Variants in KIF26B observed in about 807,000 individuals in gnomAD.
KIF26B encodes the protein kinesin-like protein KIF26B.
KIF26B carries 63 observed loss-of-function variants against 151.2 expected under a neutral mutation model. The ratio of observed to expected loss-of-function variants is 0.42; its 90% CI spans 0.34 to 0.51. The LOEUF (loss-of-function observed/expected upper bound fraction) is 0.51. Among genes scored for constraint, KIF26B ranks in the 20% least tolerant of loss-of-function variants. The pLI is 0.07. For missense variants in KIF26B, 2,813 were observed against 2,913.6 expected (o/e 0.97, Z 0.79); for synonymous variants, 1,357 against 1,262.1 (o/e 1.08, Z -1.59).
intron 3 of KIF26B, among the ~76,000 whole-genome samples, chr1:245,413,894 C>T (rs1447333627): frequency 6.6e-6 from 1 of 152,200 alleles, no homozygotes; most frequent in Non-Finnish European, 1.5e-5. Flanking sequence ...CCAACCGTGG[C>T]TCCTCCTCCT....
intron 10 of KIF26B, among the ~76,000 whole-genome samples, chr1:245,660,989 CT>C (rs35859643): frequency 0.039 from 5,407 of 138,706 alleles, 307 homozygotes; most frequent in African/African-American, 0.13. Context: ...TTTCTTTTTT[CT>C]TTTTTTTTTT....
At chr1:245,576,389 A>G (rs1440257221) in intron 5 of KIF26B, among the ~76,000 whole-genome samples, 1 of 152,074 alleles carries the variant, frequency 6.6e-6, no homozygotes, top group Non-Finnish European at 1.5e-5. Context: ...CATATTTGCT[A>G]TCAGTTGTGT....
intron 5 of KIF26B, among the ~76,000 whole-genome samples, chr1:245,571,501 A>G (rs2043065930): frequency 6.6e-6 from 1 of 152,218 alleles, no homozygotes; most frequent in Non-Finnish European, 1.5e-5. Flanking sequence ...GATGTTGTAT[A>G]AACTGCTCTG....
intron 4 of KIF26B, among the ~76,000 whole-genome samples, chr1:245,505,999 T>TAGTC (rs1660722652): frequency 6.6e-6 from 1 of 152,246 alleles, no homozygotes; most frequent in Admixed American, 6.5e-5. Flanking sequence ...TTTTCATTAT[T>TAGTC]TACAACAATT....
chr1:245,680,279 C>T (rs555027717), intron 10 of KIF26B, among the ~76,000 whole-genome samples: 24 of 152,116 alleles, frequency 1.6e-4, no homozygotes, highest in Non-Finnish European at 3.1e-4. Context: ...CCATGTTTTA[C>T]TCCCCAAAGG....
intron 4 of KIF26B, among the ~76,000 whole-genome samples, chr1:245,511,359 A>G (rs1165159859): frequency 3.9e-5 from 6 of 152,348 alleles, no homozygotes; most frequent in African/African-American, 1.4e-4. Flanking sequence ...CATAGAAGCT[A>G]CAAACATCCT....
At chr1:245,298,858 C>G (rs1193294639) in intron 2 of KIF26B, among the ~76,000 whole-genome samples, 1 of 152,188 alleles carries the variant, frequency 6.6e-6, no homozygotes, top group Non-Finnish European at 1.5e-5. Flanking sequence ...CGAGCTGTTT[C>G]GCTAGCATTC....
In KIF26B at chr1:245,699,026, G is replaced by C; in HGVS notation, c.6167G>C (p.Trp2056Ser). The C allele has an allele frequency of 1.2e-6, 2 of 1,613,758 alleles. No individual in the cohort carries two copies. Among genetic ancestry groups the C allele is most frequent in the Non-Finnish European group, 1.7e-6 (2 of 1,179,698 alleles). The change falls in exon 14 of 15, where the codon TGG (tryptophan) becomes TCG (serine). Residue 2056 changes from tryptophan (W) to serine (S), a missense_variant. Physicochemically the swap from Trp to Ser is radical, Grantham distance 177. Around this residue, in one of 3 missense-constraint regions of KIF26B, gnomAD observed 2,060 missense variants for 2,088.6 expected, o/e 0.99. Transcript: ENST00000407071. ...KQYLMLDPNK[W>S]LSEFDLEQVW... The stretch of plus-strand genomic sequence containing the variant: ...TATCTGATGCTGGATCCCAACAAGT[G>C]GCTCAGTGAATGTAAGGCCGGGGTG...
At chr1:245,381,394 C>T (rs111338016) in intron 3 of KIF26B, among the ~76,000 whole-genome samples, 1,981 of 152,260 alleles carry the variant, frequency 0.013, 41 homozygotes, top group African/African-American at 0.045. Flanking sequence ...TTGTCCAACC[C>T]GCAGCCTGCA....
intron 5 of KIF26B, among the ~76,000 whole-genome samples, chr1:245,580,643 C>T (rs1194154344): frequency 2.6e-5 from 4 of 152,200 alleles, no homozygotes; most frequent in East Asian, 3.9e-4. Flanking sequence ...ACTCCCTGGA[C>T]ACCAGGAGAG....
intron 4 of KIF26B, among the ~76,000 whole-genome samples, chr1:245,482,922 A>G (rs941291646): frequency 2.6e-5 from 4 of 151,836 alleles, no homozygotes; most frequent in African/African-American, 7.2e-5. Context: ...AGCCACACAC[A>G]GTTTCCGGCA....
At position 245,568,333 on chromosome 1, in the gene KIF26B, G is replaced by C. The variant is rs542660921; in HGVS notation, c.1350+27383G>C. On this transcript the variant is annotated intron_variant, in intron 5 of 14. Transcript: ENST00000407071. Reference sequence around the variant, plus strand: ...GAGTTCAGCCTGGGCAACAGAGTGAGACTCTATCTCCACAAAAAATGTTTT... The same window carrying C: ...GAGTTCAGCCTGGGCAACAGAGTGACACTCTATCTCCACAAAAAATGTTTT... Among the ~76,000 whole-genome samples the C allele has an allele frequency of 1.1e-3, 168 of 152,118 alleles. 2 individuals are homozygous for C. The highest frequency in any genetic ancestry group is 3.8e-3 in the African/African-American group (159 of 41,502).
intron 5 of KIF26B, among the ~76,000 whole-genome samples, chr1:245,596,534 T>C (rs192355600): frequency 6.6e-6 from 1 of 152,330 alleles, no homozygotes; most frequent in African/African-American, 2.4e-5. Flanking sequence ...CTGTTTGTTA[T>C]GATTTTCATT....
intron 5 of KIF26B, among the ~76,000 whole-genome samples, chr1:245,599,424 A>G (rs2043368655): frequency 6.6e-6 from 1 of 152,220 alleles, no homozygotes; most frequent in South Asian, 2.1e-4. Context: ...TCTGCAGAAA[A>G]TGAGCCGCAG....
chr1:245,224,236 G>A (rs796528343), intron 2 of KIF26B, among the ~76,000 whole-genome samples: 2 of 150,458 alleles, frequency 1.3e-5, no homozygotes, highest in African/African-American at 4.9e-5. Context: ...GGTGAGCCAA[G>A]ATTGCGCCAC....
At chr1:245,696,873 G>C (rs958712369) in intron 12 of KIF26B, among the ~76,000 whole-genome samples, 9 of 152,222 alleles carry the variant, frequency 5.9e-5, no homozygotes, top group Admixed American at 2.0e-4. Context: ...ACTTTGGGAG[G>C]CTGAGGCAAG....
intron 2 of KIF26B, among the ~76,000 whole-genome samples, chr1:245,277,514 G>A (rs1449638462): frequency 6.6e-6 from 1 of 152,158 alleles, no homozygotes; most frequent in East Asian, 1.9e-4. Context: ...TGGGGAGTGT[G>A]CGAGGTGAAG....
intron 4 of KIF26B, among the ~76,000 whole-genome samples, chr1:245,479,487 G>A (rs1047652681): frequency 1.3e-5 from 2 of 151,676 alleles, no homozygotes; most frequent in African/African-American, 4.8e-5. Context: ...TTTTGTTGTT[G>A]TTGTTATATT....
chr1:245,385,413 A>T (rs1305785248), intron 3 of KIF26B, among the ~76,000 whole-genome samples: 3 of 152,260 alleles, frequency 2.0e-5, no homozygotes, highest in African/African-American at 7.2e-5. Flanking sequence ...TAATCTCTGT[A>T]TGGACATCAT....
Sources: gnomAD v4.1 joint callset for allele counts (sites outside exome capture counted in the v4.1 genomes callset) on GRCh38, gnomAD v4.1.1 for gene constraint, gnomAD v4.1.1 regional missense constraint, MANE v1.5 for transcripts, NCBI Gene and HGNC (gene_info 2026-07-23, HGNC 2026-07-21) for gene names.